HAO1: variants seen among roughly 807,000 people sequenced by gnomAD.
HAO1 encodes hydroxyacid oxidase 1, also known as 2-Hydroxyacid oxidase 1.
HAO1 carries 34 observed loss-of-function variants against 39.7 expected under a neutral mutation model. The ratio of observed to expected loss-of-function variants is 0.86; its 90% CI spans 0.65 to 1.14. The LOEUF (loss-of-function observed/expected upper bound fraction) is 1.14. HAO1 is among the 50% of genes most tolerant of loss of function. The pLI is 0.00. For missense variants in HAO1, 479 were observed against 464.5 expected (o/e 1.03, Z -0.29); for synonymous variants, 172 against 173.2 (o/e 0.99, Z 0.05).
intron 1 of HAO1, among the ~76,000 whole-genome samples, chr20:7,936,548 TCGCG>T (rs376229165): frequency 9.9e-5 from 5 of 50,720 alleles, no homozygotes; most frequent in Non-Finnish European, 1.9e-4. Context: ...GTGTGTGTGT[TCGCG>T]CGCGCGCGCG....
At chr20:7,883,768 A>G in intron 7 of HAO1, 105 bp from the exon 8 acceptor site, 1 of 987,868 alleles carries the variant, frequency 1.0e-6, no homozygotes, top group South Asian at 1.3e-5. Flanking sequence ...AAGGTTTATG[A>G]TTCAAGGTAG....
intron 3 of HAO1, among the ~76,000 whole-genome samples, chr20:7,909,383 A>ATATATATGTG (rs1555774046): frequency 8.0e-6 from 1 of 124,818 alleles, no homozygotes; most frequent in Non-Finnish European, 1.6e-5. Flanking sequence ...ATATATGTAT[A>ATATATATGTG]TATATATATA....
chr20:7,938,103 T>C (rs1011888563), intron 1 of HAO1, among the ~76,000 whole-genome samples: 6 of 152,140 alleles, frequency 3.9e-5, no homozygotes, highest in African/African-American at 9.7e-5. Context: ...TCACAATGGG[T>C]TATCTGAGGT....
intron 2 of HAO1, among the ~76,000 whole-genome samples, chr20:7,922,232 T>A (rs1011611436): frequency 6.6e-6 from 1 of 152,130 alleles, no homozygotes; most frequent in African/African-American, 2.4e-5. Context: ...GAAATTTAAA[T>A]TAAAATCATA....
chr20:7,925,337 C>T (rs1473281774), intron 2 of HAO1, among the ~76,000 whole-genome samples: 2 of 152,082 alleles, frequency 1.3e-5, no homozygotes, highest in Non-Finnish European at 2.9e-5. Flanking sequence ...GCCCATTGAA[C>T]GAATCCGGAG....
At chr20:7,937,177 C>G (rs1479676547) in intron 1 of HAO1, among the ~76,000 whole-genome samples, 2 of 152,096 alleles carry the variant, frequency 1.3e-5, no homozygotes, top group Non-Finnish European at 2.9e-5. Flanking sequence ...ATAAAAAAAT[C>G]AAATGATATA....
chr20:7,935,439 G>A (rs1406158191), intron 1 of HAO1, among the ~76,000 whole-genome samples: 2 of 152,088 alleles, frequency 1.3e-5, no homozygotes, highest in East Asian at 3.8e-4. Flanking sequence ...GCTATGTCTA[G>A]TTTGTCTTCT....
chr20:7,889,486 A>C (rs2050164324), intron 5 of HAO1, among the ~76,000 whole-genome samples: 1 of 152,194 alleles, frequency 6.6e-6, no homozygotes, highest in East Asian at 1.9e-4. Flanking sequence ...AATTACTTCA[A>C]ATCCAATCTG....
At chr20:7,932,823 T>C (rs1169008656) in intron 2 of HAO1, among the ~76,000 whole-genome samples, 1 of 152,184 alleles carries the variant, frequency 6.6e-6, no homozygotes, top group Non-Finnish European at 1.5e-5. Flanking sequence ...ATTTTTTTCC[T>C]CAAAAATCAT....
chr20:7,888,441 A>T (rs1199618426), intron 5 of HAO1, among the ~76,000 whole-genome samples: 4 of 151,814 alleles, frequency 2.6e-5, no homozygotes, highest in African/African-American at 9.7e-5. Flanking sequence ...GATTTTTGAC[A>T]TTTTAGGTAT....
chr20:7,911,414 C>T (rs6055391), intron 3 of HAO1, among the ~76,000 whole-genome samples: 83,356 of 151,992 alleles, frequency 0.55, 26,150 homozygotes, highest in East Asian at 0.99. Flanking sequence ...GGCACTGCAC[C>T]GAAGGGCCAA....
At chr20:7,924,193 TGTGTTG>T (rs1208017116) in intron 2 of HAO1, among the ~76,000 whole-genome samples, 5 of 114,718 alleles carry the variant, frequency 4.4e-5, no homozygotes, top group Non-Finnish European at 8.6e-5. Flanking sequence ...TAGTTTGGGT[TGTGTTG>T]TTGTTGTTGT....
chr20:7,903,249 G>A (rs1292871340), intron 4 of HAO1, among the ~76,000 whole-genome samples: 1 of 149,978 alleles, frequency 6.7e-6, no homozygotes, highest in Non-Finnish European at 1.5e-5. Flanking sequence ...GTATAAATAA[G>A]TTATTTCCCT....
chr20:7,924,208 G>A (rs905233501), intron 2 of HAO1, among the ~76,000 whole-genome samples: 2 of 151,234 alleles, frequency 1.3e-5, no homozygotes, highest in South Asian at 2.1e-4. Flanking sequence ...TGTTGTTGTT[G>A]TTGTTGTTGT....
At chr20:7,939,579 T>G (rs2050431367) in intron 1 of HAO1, among the ~76,000 whole-genome samples, 1 of 152,158 alleles carries the variant, frequency 6.6e-6, no homozygotes, top group East Asian at 1.9e-4. Flanking sequence ...CACTCCTCTC[T>G]TGCTCCAGCA....
chr20:7,888,568 G>A lies in HAO1; in HGVS notation c.814-2704C>T, dbSNP rs550000356. Among the ~76,000 whole-genome samples, 43 of 152,252 alleles carry A rather than the reference G, an allele frequency of 2.8e-4. No homozygotes were observed. The East Asian group carries it at 7.7e-3, about 27-fold the overall frequency. On this transcript the variant is annotated intron_variant, in intron 5 of 7. Coordinates refer to ENST00000378789, the MANE Select transcript of HAO1 (RefSeq NM_017545.3). ...AGTCACTGCCCATAAATCCTCCCTT[G>A]ACTGTCTACCCACCCTACCCATCAC...
chr20:7,938,204 G>A, intron 1 of HAO1, among the ~76,000 whole-genome samples: 1 of 152,086 alleles, frequency 6.6e-6, no homozygotes, highest in East Asian at 1.9e-4. Context: ...CACAACCCTG[G>A]CAGAATTTCT....
At chr20:7,890,077 G>T (rs1157590385) in intron 5 of HAO1, among the ~76,000 whole-genome samples, 1 of 152,086 alleles carries the variant, frequency 6.6e-6, no homozygotes, top group African/African-American at 2.4e-5. Context: ...GTACTTTGCG[G>T]TACACCAAAT....
chr20:7,934,585 G>A lies in HAO1; in HGVS notation c.188C>T (p.Ser63Leu), dbSNP rs574704055. ...GACCCTCTGTCCTAAAACAGAAGTC[G>A]ACAGATCTGTTTCAGCAACATTCCG... The part of the protein sequence containing the change: ...MLRNVAETDL[S>L]TSVLGQRVSM... Residue 63 changes from serine to leucine, a missense_variant, in exon 2 of 8, where the codon TCG (serine) becomes TTG (leucine). Transcript: ENST00000378789. 7.9e-5 allele frequency: 127 copies of A among 1,609,140 alleles called. No homozygotes were observed. The South Asian group carries it at 9.3e-4, about 12-fold the overall frequency.
Sources: gnomAD v4.1 joint callset for allele counts (sites outside exome capture counted in the v4.1 genomes callset) on GRCh38, gnomAD v4.1.1 for gene constraint, MANE v1.5 for transcripts, NCBI Gene and HGNC (gene_info 2026-07-23, HGNC 2026-07-21) for gene names.